SDK1: variants seen among roughly 807,000 people sequenced by gnomAD.
The protein encoded by SDK1 is sidekick cell adhesion molecule 1.
Under a neutral mutation model 245.5 loss-of-function variants are expected in SDK1, and 157 were observed. The ratio of observed to expected loss-of-function variants is 0.64; its 90% CI spans 0.56 to 0.73. The LOEUF is 0.73. SDK1 is among the 30% of genes least tolerant of loss of function. The pLI is 0.00. For missense variants in SDK1, 3,583 were observed against 3,002.3 expected (o/e 1.19, Z -4.52); for synonymous variants, 1,647 against 1,278.5 (o/e 1.29, Z -6.15).
rs989523138 is a variant in SDK1, at chr7:4,068,807, C to T, written c.3010+871C>T. ...CGTGATCTCGGCTCACTGCAACCTC[C>T]ACCTCCCGGGTTCAAGCAGTTTTCC... On this transcript the variant is annotated intron_variant, in intron 20 of 44. Transcript: ENST00000404826. Among the ~76,000 whole-genome samples the T allele has an allele frequency of 2.0e-5, 3 of 151,808 alleles. No individual in the cohort carries two copies. In the East Asian group the frequency reaches 5.8e-4, roughly 29 times the overall value.
chr7:3,935,970 TAGA>T (rs1184795430), intron 5 of SDK1, among the ~76,000 whole-genome samples: 1 of 152,156 alleles, frequency 6.6e-6, no homozygotes, highest in African/African-American at 2.4e-5. Flanking sequence ...TCATGCTAAT[TAGA>T]AGGTGAGAAC....
chr7:3,473,876 G>A (rs569307506), intron 1 of SDK1, among the ~76,000 whole-genome samples: 60 of 151,882 alleles, frequency 4.0e-4, no homozygotes, highest in African/African-American at 1.4e-3. Context: ...CCAAATTCGC[G>A]TATGTTCCTA....
chr7:3,444,656 A>G (rs1040508598), intron 1 of SDK1, among the ~76,000 whole-genome samples: 3 of 152,004 alleles, frequency 2.0e-5, no homozygotes, highest in Non-Finnish European at 4.4e-5. Context: ...CTAGCTATGT[A>G]TATTTCTTTT....
chr7:3,911,077 G>A (rs1779146047), intron 5 of SDK1, among the ~76,000 whole-genome samples: 1 of 152,190 alleles, frequency 6.6e-6, no homozygotes, highest in African/African-American at 2.4e-5. Context: ...ATTTTGGGGG[G>A]ACTAGGGTGG....
chr7:3,967,199 T>C, intron 9 of SDK1, 119 bp from the exon 10 acceptor site: 2 of 761,484 alleles, frequency 2.6e-6, no homozygotes, highest in Non-Finnish European at 4.6e-6. Flanking sequence ...GTATTCCTTT[T>C]GTATTGCTAC....
intron 1 of SDK1, among the ~76,000 whole-genome samples, chr7:3,574,203 A>C (rs1371723536): frequency 1.3e-5 from 2 of 148,864 alleles, no homozygotes; most frequent in Non-Finnish European, 1.5e-5. Flanking sequence ...TGCAACCTCC[A>C]CCTCCTAGAT....
chr7:3,919,020 A>G (rs948775592), intron 5 of SDK1, among the ~76,000 whole-genome samples: 9 of 152,218 alleles, frequency 5.9e-5, no homozygotes, highest in African/African-American at 1.9e-4. Context: ...AACTATTACT[A>G]TCATTGCTAA....
chr7:4,101,482 C>T (rs1374344211), intron 22 of SDK1, among the ~76,000 whole-genome samples: 1 of 152,162 alleles, frequency 6.6e-6, no homozygotes, highest in African/African-American at 2.4e-5. Context: ...ACCGATCTGT[C>T]AAAATAGTTC....
chr7:4,078,540 C>T (rs1780843316), intron 21 of SDK1, among the ~76,000 whole-genome samples: 1 of 152,112 alleles, frequency 6.6e-6, no homozygotes, highest in East Asian at 1.9e-4. Flanking sequence ...TTTCAAACAC[C>T]CCAAGCAACA....
intron 1 of SDK1, among the ~76,000 whole-genome samples, chr7:3,454,202 A>G (rs1780604569): frequency 6.6e-6 from 1 of 152,222 alleles, no homozygotes; most frequent in Non-Finnish European, 1.5e-5. Flanking sequence ...GTAAGAATAC[A>G]TAAAAATAAT....
chr7:4,122,295 C>T (rs945918268), intron 25 of SDK1, among the ~76,000 whole-genome samples: 1 of 152,146 alleles, frequency 6.6e-6, no homozygotes, highest in Non-Finnish European at 1.5e-5. Flanking sequence ...CAGCAGAAAA[C>T]TCGATCCTTT....
chr7:3,777,452 A>T (rs575816128), intron 4 of SDK1, among the ~76,000 whole-genome samples: 1 of 152,346 alleles, frequency 6.6e-6, no homozygotes, highest in South Asian at 2.1e-4. Context: ...GTCATTTTAC[A>T]GATGAGGAGA....
intron 1 of SDK1, among the ~76,000 whole-genome samples, chr7:3,349,060 C>G (rs918777834): frequency 5.3e-5 from 8 of 152,108 alleles, no homozygotes; most frequent in African/African-American, 1.7e-4. Context: ...ACCCCTTTGG[C>G]TGCAGGATGT....
In SDK1 at chr7:3,388,987, C is replaced by T. The variant is rs151206039; in HGVS notation, c.298+87103C>T. The stretch of plus-strand genomic sequence containing the variant: ...CCTGCTGGAAAGGAAATAGCATTAT[C>T]CTGTGATACAGAATCACTGATGGGG... On this transcript the variant is annotated intron_variant, in intron 1 of 44. Transcript: ENST00000404826. 1.8e-3 allele frequency among the ~76,000 whole-genome samples: 281 copies of T among 152,242 alleles called. 1 individual carries two copies. The highest frequency in any genetic ancestry group is 6.5e-3 in the African/African-American group (272 of 41,538).
At chr7:3,406,146 C>A (rs1351718217) in intron 1 of SDK1, among the ~76,000 whole-genome samples, 1 of 152,164 alleles carries the variant, frequency 6.6e-6, no homozygotes, top group African/African-American at 2.4e-5. Context: ...AACTCTAGAA[C>A]AAGTTAAGTG....
At chr7:3,908,448 G>C (rs975609773) in intron 5 of SDK1, among the ~76,000 whole-genome samples, 1 of 152,106 alleles carries the variant, frequency 6.6e-6, no homozygotes, top group Non-Finnish European at 1.5e-5. Flanking sequence ...ATGCTCACCC[G>C]CAGTCCACTC....
intron 4 of SDK1, among the ~76,000 whole-genome samples, chr7:3,733,842 T>C (rs1159291392): frequency 2.0e-5 from 3 of 152,182 alleles, no homozygotes; most frequent in African/African-American, 7.2e-5. Flanking sequence ...TGAGAACAAA[T>C]TGGCTTCCAG....
chr7:4,116,255 C>T (rs966292940), intron 25 of SDK1, among the ~76,000 whole-genome samples: 9 of 152,298 alleles, frequency 5.9e-5, no homozygotes, highest in Admixed American at 2.6e-4. Flanking sequence ...TCACCTCTTC[C>T]TAATGCTCAT....
chr7:4,203,873 C>G (rs17134552), intron 35 of SDK1, among the ~76,000 whole-genome samples: 49,464 of 152,240 alleles, frequency 0.32, 8,791 homozygotes, highest in African/African-American at 0.47. Flanking sequence ...AAGTGCCTTG[C>G]TGTAGCATTG....
Sources: allele counts gnomAD v4.1 joint callset (sites outside exome capture counted in the v4.1 genomes callset), GRCh38; gene constraint gnomAD v4.1.1; transcripts MANE v1.5; gene names NCBI Gene and HGNC (gene_info 2026-07-23, HGNC 2026-07-21).